The following UNC5D variants were observed in gnomAD, a reference collection of about 807,000 sequenced individuals.
The protein encoded by UNC5D is unc-5 netrin receptor D, also known as netrin receptor UNC5D.
UNC5D carries 39 observed loss-of-function variants against 105.4 expected under a neutral mutation model. The ratio of observed to expected loss-of-function variants is 0.37; its 90% CI spans 0.29 to 0.48. The LOEUF (loss-of-function observed/expected upper bound fraction) is 0.48. UNC5D is among the 20% of genes least tolerant of loss of function. UNC5D has a pLI of 0.98. For missense variants in UNC5D, 991 were observed against 1,202.4 expected (o/e 0.82, Z 2.60); for synonymous variants, 452 against 450.4 (o/e 1.00, Z -0.04).
At position 35,686,485 on chromosome 8, in the gene UNC5D, G is replaced by T. The variant is rs1412811176; in HGVS notation, c.920-60G>T. The T allele has an allele frequency of 4.0e-6, 6 of 1,487,030 alleles. No homozygotes were observed. In the Middle Eastern group the frequency reaches 5.9e-4, roughly 145 times the overall value. The allele number at this position is 1,487,030 out of a possible 1,614,324, so 92.1% of individuals were successfully genotyped here. A position where few individuals can be genotyped will look rare whatever the true frequency, so the allele number is the denominator to read the frequency against. ...TCTAGAACAACAGCAGTCCTGGGGT[G>T]AGTCTCCTGACCGCTACTTGATTCA... On this transcript the variant is annotated intron_variant, in intron 6 of 16. Transcript: ENST00000404895.
chr8:35,582,042 C>G (rs924728462), intron 3 of UNC5D, among the ~76,000 whole-genome samples: 1 of 152,186 alleles, frequency 6.6e-6, no homozygotes, highest in Admixed American at 6.5e-5. Context: ...AATGCATTCT[C>G]TACACAGCAA....
Position 35,549,242 on chromosome 8 carries a change from T to C in UNC5D, c.104-50T>C, listed in dbSNP as rs1305395360. 5.1e-6 allele frequency: 8 copies of C among 1,575,126 alleles called. No homozygotes were observed. In the Admixed American group the frequency reaches 1.0e-4, roughly 20 times the overall value. On this transcript the variant is annotated intron_variant, in intron 1 of 16. Transcript: ENST00000404895. Reference sequence around the variant, plus strand: ...GCAGGTTTGCCATTGTGTCCTGGTGTATGTGCTATCAATGTAGGCTGTGTT... The same window carrying C: ...GCAGGTTTGCCATTGTGTCCTGGTGCATGTGCTATCAATGTAGGCTGTGTT...
intron 1 of UNC5D, among the ~76,000 whole-genome samples, chr8:35,238,717 T>C (rs1023240303): frequency 1.3e-5 from 2 of 152,214 alleles, no homozygotes; most frequent in African/African-American, 2.4e-5. Context: ...TGAGCTTTCA[T>C]ACAATTTCTT....
At chr8:35,361,093 T>G (rs1279176281) in intron 1 of UNC5D, among the ~76,000 whole-genome samples, 2 of 152,188 alleles carry the variant, frequency 1.3e-5, no homozygotes, top group South Asian at 4.1e-4. Flanking sequence ...GCCAGGATTG[T>G]GATAATGGTA....
intron 1 of UNC5D, among the ~76,000 whole-genome samples, chr8:35,361,064 T>C (rs1388807895): frequency 2.0e-5 from 3 of 152,114 alleles, no homozygotes; most frequent in Non-Finnish European, 4.4e-5. Flanking sequence ...TGCCAAAATG[T>C]CTGAAAACTA....
At chr8:35,282,944 CAT>C (rs1196659121) in intron 1 of UNC5D, among the ~76,000 whole-genome samples, 2 of 152,120 alleles carry the variant, frequency 1.3e-5, no homozygotes, top group African/African-American at 4.8e-5. Context: ...TGGAAGCATG[CAT>C]ATGTTTCTCT....
At position 35,555,875 on chromosome 8, in the gene UNC5D, GCACACACACACACA is replaced by G. The variant is rs56788274; in HGVS notation, c.322+6402_322+6415del. The stretch of plus-strand genomic sequence containing the variant: ...AATTATAAAGATCTATAAAAAAACA[GCACACACACACACA>G]CACACACACACACACACACACACAC... On this transcript the variant is annotated intron_variant, in intron 2 of 16. Coordinates refer to ENST00000404895, the MANE Select transcript of UNC5D (RefSeq NM_080872.4). Among the ~76,000 whole-genome samples, 178 of 134,210 alleles carry G rather than the reference GCACACACACACACA, an allele frequency of 1.3e-3. 3 individuals are homozygous for G. The highest frequency in any genetic ancestry group is 3.6e-3 in the African/African-American group (132 of 36,378). The allele number at this position is 134,210 out of a possible 152,430, so 88.0% of individuals were successfully genotyped here. A position where few individuals can be genotyped will look rare whatever the true frequency, so the allele number is the denominator to read the frequency against.
chr8:35,419,179 G>C (rs1805723470), intron 1 of UNC5D, among the ~76,000 whole-genome samples: 1 of 152,182 alleles, frequency 6.6e-6, no homozygotes, highest in Non-Finnish European at 1.5e-5. Flanking sequence ...CAGTAAGTAT[G>C]ATGCCAATCA....
At chr8:35,450,779 A>T (rs190403000) in intron 1 of UNC5D, among the ~76,000 whole-genome samples, 1 of 152,278 alleles carries the variant, frequency 6.6e-6, no homozygotes, top group Non-Finnish European at 1.5e-5. Context: ...GAGTACCCAT[A>T]CACCTATTCT....
intron 1 of UNC5D, among the ~76,000 whole-genome samples, chr8:35,491,475 C>A (rs547593171): frequency 2.6e-4 from 40 of 152,218 alleles, no homozygotes; most frequent in African/African-American, 8.7e-4. Context: ...ACTACATCAC[C>A]ATTTTCTTTC....
intron 1 of UNC5D, among the ~76,000 whole-genome samples, chr8:35,498,887 A>G (rs1244793089): frequency 1.3e-5 from 2 of 151,922 alleles, no homozygotes; most frequent in African/African-American, 4.8e-5. Flanking sequence ...TTTTTTCCCT[A>G]TTAGATCCTG....
chr8:35,716,935 G>C (rs937945433), intron 8 of UNC5D, among the ~76,000 whole-genome samples: 1 of 152,088 alleles, frequency 6.6e-6, no homozygotes, highest in Non-Finnish European at 1.5e-5. Context: ...AAATATTTTG[G>C]CAGGGCACTT....
chr8:35,780,519 G>A lies in UNC5D; in HGVS notation c.2657+6042G>A, dbSNP rs577972813. On this transcript the variant is annotated intron_variant, in intron 16 of 16. Transcript: ENST00000404895. ...CAATCTGTTTCTGAATAACTGTTGC[G>A]AAATCACTTGAGGTAGGAGAGTCCT... 9.2e-5 allele frequency among the ~76,000 whole-genome samples: 14 copies of A among 152,296 alleles called. No homozygotes were observed. The South Asian group carries it at 1.5e-3, about 16-fold the overall frequency.
intron 1 of UNC5D, among the ~76,000 whole-genome samples, chr8:35,335,756 ATTTTTTTT>A (rs35774459): frequency 6.6e-5 from 6 of 90,456 alleles, no homozygotes; most frequent in East Asian, 6.0e-4. Context: ...AGAGATTGCA[ATTTTTTTT>A]TTTTTTTTTT....
At chr8:35,754,562 C>A (rs527371498) in intron 13 of UNC5D, among the ~76,000 whole-genome samples, 12 of 152,254 alleles carry the variant, frequency 7.9e-5, no homozygotes, top group African/African-American at 2.9e-4. Context: ...CCCCGGAAGA[C>A]CTTGCAAGAA....
intron 1 of UNC5D, among the ~76,000 whole-genome samples, chr8:35,335,422 A>T (rs1291622929): frequency 1.3e-5 from 2 of 152,168 alleles, no homozygotes; most frequent in Non-Finnish European, 1.5e-5. Flanking sequence ...AAAAGCACAC[A>T]TTTTTTAGAA....
chr8:35,542,502 T>G (rs1815352000), intron 1 of UNC5D, among the ~76,000 whole-genome samples: 1 of 152,246 alleles, frequency 6.6e-6, no homozygotes, highest in African/African-American at 2.4e-5. Flanking sequence ...AGAAGGACTC[T>G]GGAATATTAT....
At chr8:35,384,779 A>G (rs554867188) in intron 1 of UNC5D, among the ~76,000 whole-genome samples, 196 of 152,364 alleles carry the variant, frequency 1.3e-3, no homozygotes, top group African/African-American at 4.3e-3. Flanking sequence ...TCTACCTGCC[A>G]TAAGTGTATC....
intron 1 of UNC5D, among the ~76,000 whole-genome samples, chr8:35,446,515 G>C (rs1301426103): frequency 6.6e-6 from 1 of 151,970 alleles, no homozygotes; most frequent in Admixed American, 6.6e-5. Flanking sequence ...TTACCCAAGT[G>C]TAATTAACTA....
Sources: allele counts gnomAD v4.1 joint callset (sites outside exome capture counted in the v4.1 genomes callset), GRCh38; gene constraint gnomAD v4.1.1; transcripts MANE v1.5; gene names NCBI Gene and HGNC (gene_info 2026-07-23, HGNC 2026-07-21).